Variants in CD5 observed in about 807,000 individuals in gnomAD.
CD5 encodes CD5 molecule.
CD5 carries 36 observed loss-of-function variants against 60.3 expected under a neutral mutation model. The observed-to-expected ratio is 0.60, with a 90% CI of 0.46 to 0.79. The LOEUF (loss-of-function observed/expected upper bound fraction) is 0.79. Ranked by LOEUF, CD5 falls within the 30% of genes least tolerant of loss-of-function variation. The pLI, the probability that CD5 is intolerant of heterozygous loss-of-function variation, is 0.00. For synonymous variants in CD5, 230 were observed against 257.6 expected (o/e 0.89, Z 1.03); for missense variants, 540 against 630.6 (o/e 0.86, Z 1.54).
intron 9 of CD5, 73 bp downstream of exon 9, chr11:61,125,224 C>T (rs927190702): frequency 5.2e-5 from 81 of 1,559,984 alleles, no homozygotes; most frequent in Non-Finnish European, 6.6e-5. Flanking sequence ...CACGTGATGC[C>T]CTTGAAGGTC....
chr11:61,123,235 TTGC>T lies in CD5; in HGVS notation c.1225+206_1225+208del, dbSNP rs529365857. On this transcript the variant is annotated intron_variant, in intron 7 of 10. Coordinates refer to ENST00000347785, the MANE Select transcript of CD5 (RefSeq NM_014207.4). ...AAACACAAAGTAAACAAAATTGCAA[TTGC>T]TGATTTGTCCATCTCTGGAGCCCAG... 3.8e-3 allele frequency among the ~76,000 whole-genome samples: 584 copies of T among 152,212 alleles called. 1 individual carries two copies. The highest frequency in any genetic ancestry group is 6.5e-3 in the Non-Finnish European group (440 of 67,994).
chr11:61,124,964 G>A, intron 8 of CD5, 68 bp from the exon 9 acceptor site: 2 of 1,602,066 alleles, frequency 1.2e-6, no homozygotes, highest in Non-Finnish European at 8.5e-7. Context: ...AAAGTTCTGG[G>A]CACCTGCTGG....
At chr11:61,120,670 A>ACTGC (rs1288610331) in intron 5 of CD5, among the ~76,000 whole-genome samples, 2 of 152,110 alleles carry the variant, frequency 1.3e-5, no homozygotes, top group African/African-American at 4.8e-5. Context: ...ATGTGCACAA[A>ACTGC]TCTAGGAATC....
At chr11:61,103,842 G>T in intron 1 of CD5, among the ~76,000 whole-genome samples, 1 of 122,668 alleles carries the variant, frequency 8.2e-6, no homozygotes, top group Non-Finnish European at 1.7e-5. Context: ...AGTACTGTGT[G>T]GGGGGGAATG....
At chr11:61,112,759 G>A (rs1194352780) in intron 1 of CD5, among the ~76,000 whole-genome samples, 5 of 152,150 alleles carry the variant, frequency 3.3e-5, no homozygotes, top group Non-Finnish European at 7.3e-5. Context: ...TCCAAGGCCC[G>A]TGACTCCTAG....
In CD5 at chr11:61,118,784, G is replaced by A. The variant is rs144204162; in HGVS notation, c.401-131G>A. The A allele has an allele frequency of 1.1e-5, 7 of 663,102 alleles. No individual in the cohort carries two copies. Among genetic ancestry groups the A allele is most frequent in the East Asian group, 5.4e-5 (2 of 36,872 alleles). The allele number at this position is 663,102 out of a possible 1,614,324, so 41.1% of individuals were successfully genotyped here. On this transcript the variant is annotated intron_variant, in intron 3 of 10. Transcript: ENST00000347785. The surrounding 1 kb of genome is among the most constrained non-coding windows in gnomAD (Gnocchi z 4.7). The stretch of plus-strand genomic sequence containing the variant: ...GCCTCGCAGGAGGCTTAGAGACAAC[G>A]TGTGGGTCAAGTGGACCTGGTGTGC...
chr11:61,116,949 A>T (rs915945908), intron 2 of CD5, among the ~76,000 whole-genome samples: 3 of 151,948 alleles, frequency 2.0e-5, no homozygotes, highest in African/African-American at 7.3e-5. Context: ...AAATCACACA[A>T]GACACATGTC....
At chr11:61,113,641 G>C (rs1174074813) in intron 1 of CD5, among the ~76,000 whole-genome samples, 2 of 152,054 alleles carry the variant, frequency 1.3e-5, no homozygotes. Flanking sequence ...TGTTCTCTTG[G>C]TTCCCTTTCT....
chr11:61,096,068 C>A, the CD5 span, among the ~76,000 whole-genome samples: 1 of 152,300 alleles, frequency 6.6e-6, no homozygotes, highest in South Asian at 2.1e-4. Flanking sequence ...GTAAGGAAGG[C>A]GAACGCCAGG....
intron 1 of CD5, among the ~76,000 whole-genome samples, chr11:61,112,062 G>A (rs1479875073): frequency 6.6e-6 from 1 of 152,202 alleles, no homozygotes; most frequent in Non-Finnish European, 1.5e-5. Context: ...AGTCATCGGT[G>A]ACTGAAAACC....
At chr11:61,114,623 G>A (rs1338346829) in intron 1 of CD5, among the ~76,000 whole-genome samples, 1 of 152,006 alleles carries the variant, frequency 6.6e-6, no homozygotes, top group Non-Finnish European at 1.5e-5. Context: ...CCTGGGTGAG[G>A]AGAGTGATAT....
chr11:61,096,208 G>T, the CD5 span, among the ~76,000 whole-genome samples: 2 of 152,262 alleles, frequency 1.3e-5, no homozygotes, highest in Non-Finnish European at 2.9e-5. Context: ...TGCGCCTGTT[G>T]TAAGGAAGTA....
chr11:61,100,702 A>C (rs1251214076), upstream of CD5, among the ~76,000 whole-genome samples: 23 of 107,726 alleles, frequency 2.1e-4, no homozygotes, highest in African/African-American at 2.2e-4. Context: ...GGAGATCACA[A>C]ACACACATCA....
At chr11:61,102,640 G>A in intron 1 of CD5, 25 bp downstream of exon 1, 13 of 1,564,250 alleles carry the variant, frequency 8.3e-6, no homozygotes, top group Non-Finnish European at 1.1e-5. Context: ...CAGGTGTCCT[G>A]CGAACACCCG....
Position 61,122,000 on chromosome 11 carries a change from G to A in CD5, c.1099+96G>A, listed in dbSNP as rs893834759. 5.4e-6 allele frequency: 6 copies of A among 1,112,594 alleles called. No homozygotes were observed. The African/African-American group carries it at 8.0e-5, about 15-fold the overall frequency. The allele number at this position is 1,112,594 out of a possible 1,614,324, so 68.9% of individuals were successfully genotyped here. On this transcript the variant is annotated intron_variant, in intron 6 of 10. Coordinates refer to ENST00000347785, the MANE Select transcript of CD5 (RefSeq NM_014207.4). ...TGTCTCTAAAGGGAAGCCCTGGGGAGCTAGACAGAGAGTCCCAGAGACCCA... is the reference window on the plus strand; with the variant it reads ...TGTCTCTAAAGGGAAGCCCTGGGGAACTAGACAGAGAGTCCCAGAGACCCA...
Position 61,118,402 on chromosome 11 carries a change from T to C in CD5, c.322T>C (p.Tyr108His). 14 of 1,614,246 alleles carry C rather than the reference T, an allele frequency of 8.7e-6. No individual in the cohort carries two copies. Among genetic ancestry groups the C allele is most frequent in the Non-Finnish European group, 1.1e-5 (13 of 1,180,036 alleles). The change falls in exon 3 of 11, where the codon TAC becomes CAC. Residue 108 changes from tyrosine to histidine, a missense_variant. Tyr to His is a moderately conservative substitution (Grantham distance 83, BLOSUM62 2). Transcript: ENST00000347785. This position sits in a 1 kb window ranked among gnomAD's most constrained non-coding sequence, Gnocchi z 4.7. ...CACACCTCAGAGCTCAATCATCTGC[T>C]ACGGACAACTGGGCTCCTTCTCCAA... ...TYTPQSSIIC[Y>H]GQLGSFSNCS... is the part of the protein sequence containing the mutation.
upstream of CD5, among the ~76,000 whole-genome samples, chr11:61,099,746 C>T (rs1024684174): frequency 6.6e-6 from 1 of 150,714 alleles, no homozygotes; most frequent in Non-Finnish European, 1.5e-5. Flanking sequence ...CACACATCTA[C>T]ATGGAGATCA....
upstream of CD5, among the ~76,000 whole-genome samples, chr11:61,101,523 C>A (rs904875475): frequency 6.6e-6 from 1 of 150,400 alleles, no homozygotes; most frequent in South Asian, 2.1e-4. Flanking sequence ...ACATGGAGAT[C>A]ACACACACAA....
chr11:61,105,086 AC>A (rs1358009295), intron 1 of CD5, among the ~76,000 whole-genome samples: 2 of 152,254 alleles, frequency 1.3e-5, no homozygotes, highest in African/African-American at 4.8e-5. Context: ...CCCTGGGGAC[AC>A]CACAGCCTCC....
Sources: gnomAD v4.1 joint callset for allele counts (sites outside exome capture counted in the v4.1 genomes callset) on GRCh38, gnomAD v4.1.1 for gene constraint, Gnocchi (gnomAD v3.1) non-coding constraint, MANE v1.5 for transcripts, NCBI Gene and HGNC (gene_info 2026-07-23, HGNC 2026-07-21) for gene names.